The following PPIG variants were observed in gnomAD, a reference collection of about 807,000 sequenced individuals.
PPIG encodes peptidyl-prolyl cis-trans isomerase G.
PPIG carries 26 observed loss-of-function variants against 87.9 expected under a neutral mutation model. The observed-to-expected ratio is 0.30, with a 90% CI of 0.22 to 0.41. PPIG has a LOEUF of 0.41. Ranked by LOEUF, PPIG falls within the 10% of genes least tolerant of loss-of-function variation. The pLI, the probability that PPIG is intolerant of heterozygous loss-of-function variation, is 1.00. For missense variants in PPIG, 722 were observed against 879.4 expected, an observed-to-expected ratio of 0.82 and a Z score of 2.26; for synonymous variants, 308 against 276.5, an observed-to-expected ratio of 1.11 and a Z score of -1.13.
At chr2:169,620,785 T>C (rs907885657) in intron 9 of PPIG, among the ~76,000 whole-genome samples, 16 of 152,160 alleles carry the variant, frequency 1.1e-4, no homozygotes, top group African/African-American at 3.9e-4. Flanking sequence ...AATATGTGGC[T>C]GATACTATTT....
chr2:169,620,385 A>T (rs1203983171), intron 9 of PPIG, among the ~76,000 whole-genome samples: 7 of 151,734 alleles, frequency 4.6e-5, no homozygotes, highest in African/African-American at 1.5e-4. Context: ...TAACTGTTTT[A>T]TCCTACTTCT....
At chr2:169,584,693 AAGG>A (rs2105464496) in intron 1 of PPIG, 1 of 336,826 alleles carries the variant, frequency 3.0e-6, no homozygotes, top group East Asian at 1.1e-4. Context: ...GCTGTTGCAG[AAGG>A]AGAAGGCTTG....
At chr2:169,604,719 C>G (rs751398331) in intron 4 of PPIG, among the ~76,000 whole-genome samples, 5 of 150,838 alleles carry the variant, frequency 3.3e-5, no homozygotes, top group Non-Finnish European at 7.4e-5. Flanking sequence ...ACTAAAAATA[C>G]AAAAATTAGC....
intron 12 of PPIG, among the ~76,000 whole-genome samples, chr2:169,634,126 T>C (rs887816999): frequency 2.6e-5 from 4 of 152,096 alleles, no homozygotes; most frequent in African/African-American, 9.7e-5. Flanking sequence ...AGTGGTACAA[T>C]CAAGGATCAC....
At chr2:169,625,988 C>T (rs1685870209) in intron 9 of PPIG, among the ~76,000 whole-genome samples, 1 of 152,154 alleles carries the variant, frequency 6.6e-6, no homozygotes, top group African/African-American at 2.4e-5. Context: ...GCTTGCTTGC[C>T]TGCCACTCAC....
intron 1 of PPIG, among the ~76,000 whole-genome samples, chr2:169,598,089 A>G (rs1351416653): frequency 6.7e-6 from 1 of 149,418 alleles, no homozygotes; most frequent in East Asian, 2.0e-4. Flanking sequence ...CAACCTCCGC[A>G]TCCTGGGCCC....
In PPIG at chr2:169,603,947, A is replaced by T. The variant is rs2105486356; in HGVS notation, c.-16-79A>T. 7 of 1,094,114 alleles carry T rather than the reference A, an allele frequency of 6.4e-6. No homozygotes were observed. In the South Asian group the frequency reaches 9.7e-5, roughly 15 times the overall value. 67.8% of individuals were successfully genotyped at this position (1,094,114 alleles called of 1,614,324 possible). ...CAAACTATATTTCTAATATTGTTTC[A>T]CAGAATTTTTTTTCCAGAAATTTGT... On this transcript the variant is annotated intron_variant, in intron 2 of 13. Coordinates refer to ENST00000260970, the MANE Select transcript of PPIG (RefSeq NM_004792.3).
At chr2:169,586,280 A>G (rs1288850938) in intron 1 of PPIG, among the ~76,000 whole-genome samples, 1 of 152,156 alleles carries the variant, frequency 6.6e-6, no homozygotes, top group African/African-American at 2.4e-5. Context: ...GTCAGTTGTC[A>G]GGAGTGCTCC....
At position 169,604,336 on chromosome 2, in the gene PPIG, T is replaced by G. The variant is rs1393027263; in HGVS notation, c.136+75T>G. The G allele has an allele frequency of 1.6e-4, 180 of 1,132,274 alleles. 1 individual carries two copies. Among genetic ancestry groups the G allele is most frequent in the Admixed American group, 2.2e-4 (9 of 41,826 alleles). The allele number at this position is 1,132,274 out of a possible 1,614,324, so 70.1% of individuals were successfully genotyped here. ...CTTGCTTGCTTGCTTGGTTTTTTTT[T>G]TTTTTTTTTTTTTTTTTTTGAGACA... On this transcript the variant is annotated intron_variant, in intron 4 of 13. Coordinates refer to ENST00000260970, the MANE Select transcript of PPIG (RefSeq NM_004792.3).
At chr2:169,621,885 A>G (rs1685762967) in intron 9 of PPIG, among the ~76,000 whole-genome samples, 1 of 151,632 alleles carries the variant, frequency 6.6e-6, no homozygotes, top group South Asian at 2.1e-4. Flanking sequence ...TGAGCCCAGG[A>G]GTTTCAGACC....
At chr2:169,593,601 C>T (rs369356604) in intron 1 of PPIG, among the ~76,000 whole-genome samples, 14 of 150,640 alleles carry the variant, frequency 9.3e-5, no homozygotes, top group African/African-American at 2.7e-4. Flanking sequence ...GCTTGAAGGT[C>T]GGGAGTAGTT....
intron 4 of PPIG, among the ~76,000 whole-genome samples, chr2:169,604,625 C>T (rs1489170004): frequency 2.0e-5 from 3 of 151,732 alleles, no homozygotes; most frequent in Admixed American, 6.6e-5. Context: ...TCTGTAATCC[C>T]AGCACTCTGG....
intron 1 of PPIG, among the ~76,000 whole-genome samples, chr2:169,587,622 T>C (rs536625882): frequency 1.6e-4 from 25 of 152,292 alleles, no homozygotes; most frequent in East Asian, 7.7e-4. Flanking sequence ...AATGCATAAA[T>C]GGTCACCATA....
intron 9 of PPIG, 84 bp from the exon 10 acceptor site, chr2:169,630,690 G>A: frequency 8.5e-7 from 1 of 1,172,282 alleles, no homozygotes; most frequent in Non-Finnish European, 1.3e-6. Flanking sequence ...ACTGAACTTA[G>A]TGAGAATCTG....
At chr2:169,604,322 GCTT>G in intron 4 of PPIG, 61 bp downstream of exon 4, 1 of 723,500 alleles carries the variant, frequency 1.4e-6, no homozygotes. Flanking sequence ...TTGCTTGCTT[GCTT>G]GGTTTTTTTT....
At chr2:169,636,299 T>A in intron 13 of PPIG, 71 bp downstream of exon 13, 1 of 1,498,080 alleles carries the variant, frequency 6.7e-7, no homozygotes, top group Non-Finnish European at 8.9e-7. Flanking sequence ...ATAAAGTTAT[T>A]GTCATTTTAG....
In PPIG at chr2:169,636,239, A is replaced by C; in HGVS notation, c.1154+11A>C. 1.3e-6 allele frequency: 2 copies of C among 1,579,600 alleles called. No homozygotes were observed. Among genetic ancestry groups the C allele is most frequent in the South Asian group, 2.4e-5 (2 of 84,516 alleles). ...GATCAAGGGGGATAAGTAAGATTTA[A>C]CTATTATTATTTCAAATGTAATGAT... On this transcript the variant is annotated intron_variant, in intron 13 of 13. Coordinates refer to ENST00000260970, the MANE Select transcript of PPIG (RefSeq NM_004792.3).
At chr2:169,626,391 C>CTTTTTAT (rs1466159598) in intron 9 of PPIG, among the ~76,000 whole-genome samples, 2 of 152,062 alleles carry the variant, frequency 1.3e-5, no homozygotes, top group East Asian at 3.9e-4. Context: ...AAGAGAGGAA[C>CTTTTTAT]TTTTTATTTT....
intron 1 of PPIG, among the ~76,000 whole-genome samples, chr2:169,598,004 CTT>C (rs72191282): frequency 1.3e-4 from 18 of 139,572 alleles, no homozygotes; most frequent in Admixed American, 1.4e-4. Context: ...CCTGGGCAAC[CTT>C]TTTTTTTTTT....
Sources: gnomAD v4.1 joint callset for allele counts (sites outside exome capture counted in the v4.1 genomes callset) on GRCh38, gnomAD v4.1.1 for gene constraint, MANE v1.5 for transcripts, NCBI Gene and HGNC (gene_info 2026-07-23, HGNC 2026-07-21) for gene names.